Variants in SPAG16 observed in about 807,000 individuals in gnomAD.
The protein encoded by SPAG16 is sperm associated antigen 16.
In SPAG16, 86 loss-of-function variants were observed where a neutral mutation model predicts 80.4. That is an observed-to-expected ratio of 1.07 (90% confidence interval 0.90 to 1.28). SPAG16 has a LOEUF of 1.28. Among genes scored for constraint, SPAG16 ranks in the 50% most tolerant of loss-of-function variants. SPAG16 has a pLI of 0.00. For missense variants in SPAG16, 870 were observed against 765.3 expected (o/e 1.14, Z -1.61); for synonymous variants, 294 against 265.9 (o/e 1.11, Z -1.03).
intron 10 of SPAG16, among the ~76,000 whole-genome samples, chr2:213,777,791 C>T (rs962692259): frequency 6.6e-6 from 1 of 152,122 alleles, no homozygotes; most frequent in African/African-American, 2.4e-5. Context: ...CCTGCCTCGG[C>T]CTCTCAAAGT....
At chr2:213,342,719 C>T (rs1478792622) in intron 6 of SPAG16, among the ~76,000 whole-genome samples, 1 of 151,740 alleles carries the variant, frequency 6.6e-6, no homozygotes, top group Non-Finnish European at 1.5e-5. Context: ...ATTAGCTCTC[C>T]AACTGGTACT....
intron 13 of SPAG16, among the ~76,000 whole-genome samples, chr2:214,053,624 C>G (rs1274812584): frequency 6.6e-6 from 1 of 152,196 alleles, no homozygotes; most frequent in African/African-American, 2.4e-5. Context: ...GCACCAAAGA[C>G]TCCAATGCTA....
chr2:213,945,901 C>T (rs531215651), intron 12 of SPAG16, among the ~76,000 whole-genome samples: 9 of 152,262 alleles, frequency 5.9e-5, no homozygotes, highest in Non-Finnish European at 8.8e-5. Context: ...AGATAGCAAC[C>T]GTTTTGCGAA....
chr2:213,985,506 G>A (rs1449218892), intron 12 of SPAG16, among the ~76,000 whole-genome samples: 1 of 152,006 alleles, frequency 6.6e-6, no homozygotes, highest in African/African-American at 2.4e-5. Context: ...TAGCAGTAGG[G>A]TCTTGATAAA....
intron 10 of SPAG16, among the ~76,000 whole-genome samples, chr2:213,643,346 T>C (rs867082720): frequency 6.9e-5 from 5 of 72,674 alleles, no homozygotes; most frequent in East Asian, 4.9e-4. Context: ...TGGATCTTAA[T>C]TTTATATATA....
chr2:214,174,665 T>C (rs1182055370), intron 15 of SPAG16, among the ~76,000 whole-genome samples: 1 of 151,704 alleles, frequency 6.6e-6, no homozygotes, highest in East Asian at 1.9e-4. Flanking sequence ...CTCACATCAA[T>C]CCAATGTGAG....
chr2:214,252,924 T>G (rs1352159607), intron 15 of SPAG16, among the ~76,000 whole-genome samples: 4 of 151,936 alleles, frequency 2.6e-5, no homozygotes, highest in Admixed American at 1.3e-4. Context: ...CAGTGTAAAA[T>G]TGTTCCTATT....
At chr2:214,153,173 C>T (rs1005961356) in intron 15 of SPAG16, among the ~76,000 whole-genome samples, 20 of 151,952 alleles carry the variant, frequency 1.3e-4, no homozygotes, top group Non-Finnish European at 1.9e-4. Flanking sequence ...GACCACGGTC[C>T]GCCTGGCAAT....
chr2:214,128,094 T>C (rs1280997159), intron 14 of SPAG16, among the ~76,000 whole-genome samples: 1 of 151,930 alleles, frequency 6.6e-6, no homozygotes, highest in South Asian at 2.1e-4. Context: ...AGTAAAATTA[T>C]CAGTGTAGGC....
chr2:213,900,120 T>C (rs1051258234), intron 11 of SPAG16, among the ~76,000 whole-genome samples: 1 of 152,140 alleles, frequency 6.6e-6, no homozygotes, highest in Admixed American at 6.6e-5. Context: ...CTCACATATT[T>C]TGGTTACCAT....
At chr2:213,801,455 C>T (rs1278696051) in intron 10 of SPAG16, among the ~76,000 whole-genome samples, 1 of 152,170 alleles carries the variant, frequency 6.6e-6, no homozygotes, top group Non-Finnish European at 1.5e-5. Context: ...AGGCATATGC[C>T]ACATTAGTTC....
chr2:213,867,126 A>G (rs1024243867), intron 11 of SPAG16, among the ~76,000 whole-genome samples: 2 of 152,178 alleles, frequency 1.3e-5, no homozygotes, highest in African/African-American at 4.8e-5. Flanking sequence ...GATCTTTTTT[A>G]AGGACATGGA....
At chr2:213,371,159 G>A (rs907547183) in intron 8 of SPAG16, among the ~76,000 whole-genome samples, 7 of 151,908 alleles carry the variant, frequency 4.6e-5, no homozygotes, top group Middle Eastern at 3.2e-3. Context: ...CTGTAATCCC[G>A]GCTCTTTGGG....
At position 213,366,141 on chromosome 2, in the gene SPAG16, CAA is replaced by C. The variant is rs759352187; in HGVS notation, c.832+2013_832+2014del. On this transcript the variant is annotated intron_variant, in intron 8 of 15. Transcript: ENST00000331683. ...TGGGCGACAGAGCGAGACTCCGTCT[CAA>C]AAAAAAAAAAAAAAAAGAAGAAAGA... Among the ~76,000 whole-genome samples the C allele has an allele frequency of 4.7e-3, 388 of 82,528 alleles. 2 individuals carry two copies. The highest frequency in any genetic ancestry group is 0.015 in the African/African-American group (337 of 22,488). The allele number at this position is 82,528 out of a possible 152,430, so 54.1% of individuals were successfully genotyped here. A position where few individuals can be genotyped will look rare whatever the true frequency, so the allele number is the denominator to read the frequency against.
chr2:213,380,900 A>G (rs2067139492), intron 9 of SPAG16, among the ~76,000 whole-genome samples: 2 of 152,282 alleles, frequency 1.3e-5, no homozygotes, highest in African/African-American at 2.4e-5. Context: ...CACTCGATAA[A>G]TGGGCCAGAG....
intron 10 of SPAG16, among the ~76,000 whole-genome samples, chr2:213,758,493 G>A (rs1178117924): frequency 2.6e-5 from 4 of 151,908 alleles, no homozygotes; most frequent in African/African-American, 9.7e-5. Context: ...AAAATTCAAT[G>A]GATAGGAAAC....
chr2:213,338,790 C>G (rs567055638), intron 5 of SPAG16, among the ~76,000 whole-genome samples: 2 of 152,266 alleles, frequency 1.3e-5, no homozygotes, highest in African/African-American at 4.8e-5. Flanking sequence ...CATGTTCTCA[C>G]TTATAAGTGG....
intron 15 of SPAG16, among the ~76,000 whole-genome samples, chr2:214,368,520 C>T (rs555990824): frequency 1.3e-5 from 2 of 152,190 alleles, no homozygotes; most frequent in Non-Finnish European, 2.9e-5. Context: ...TGCTACTCAT[C>T]TCAGGTTAGC....
chr2:214,267,910 T>C (rs1691699305), intron 15 of SPAG16, among the ~76,000 whole-genome samples: 1 of 151,860 alleles, frequency 6.6e-6, no homozygotes. Context: ...AGAAAATGTT[T>C]GCAACTCATA....
Sources: allele counts gnomAD v4.1 joint callset (sites outside exome capture counted in the v4.1 genomes callset), GRCh38; gene constraint gnomAD v4.1.1; transcripts MANE v1.5; gene names NCBI Gene and HGNC (gene_info 2026-07-23, HGNC 2026-07-21).